ADAM12: variants seen among roughly 807,000 people sequenced by gnomAD.
ADAM12 encodes the protein ADAM metallopeptidase domain 12, also known as disintegrin and metalloproteinase domain-containing protein 12.
ADAM12 carries 70 observed loss-of-function variants against 106.4 expected under a neutral mutation model. The ratio of observed to expected loss-of-function variants is 0.66; its 90% CI spans 0.54 to 0.80. ADAM12 has a LOEUF of 0.80. Ranked by LOEUF, ADAM12 falls within the 30% of genes least tolerant of loss-of-function variation. The pLI is 0.00. For missense variants in ADAM12, 1,010 were observed against 1,171.9 expected (o/e 0.86, Z 2.02); for synonymous variants, 420 against 433.5 (o/e 0.97, Z 0.39).
At chr10:126,082,953 C>A (rs1955258008) in intron 11 of ADAM12, among the ~76,000 whole-genome samples, 1 of 152,314 alleles carries the variant, frequency 6.6e-6, no homozygotes, top group African/African-American at 2.4e-5. Context: ...TTATGCCCAA[C>A]AATAAAAACT....
chr10:126,117,732 A>G (rs1956009752), intron 6 of ADAM12, among the ~76,000 whole-genome samples: 1 of 110,970 alleles, frequency 9.0e-6, no homozygotes, highest in South Asian at 3.3e-4. Context: ...AGATTCCATG[A>G]ATCTTGAGCT....
intron 19 of ADAM12, among the ~76,000 whole-genome samples, chr10:126,038,838 C>CAAGAA (rs1191480524): frequency 6.6e-6 from 1 of 151,052 alleles, no homozygotes; most frequent in Non-Finnish European, 1.5e-5. Context: ...AAATTTAAAA[C>CAAGAA]AAGAAACCCC....
intron 5 of ADAM12, among the ~76,000 whole-genome samples, chr10:126,128,052 G>A (rs904711436): frequency 1.3e-5 from 2 of 152,118 alleles, no homozygotes; most frequent in East Asian, 1.9e-4. Context: ...AAAATTGAAC[G>A]GGGGTCAGCC....
intron 3 of ADAM12, among the ~76,000 whole-genome samples, chr10:126,252,184 A>G (rs1467293557): frequency 1.4e-5 from 2 of 146,394 alleles, no homozygotes; most frequent in African/African-American, 5.0e-5. Context: ...GATGGACTCA[A>G]TGGATGGGAT....
intron 5 of ADAM12, among the ~76,000 whole-genome samples, chr10:126,119,907 A>T (rs994038524): frequency 6.6e-6 from 1 of 152,216 alleles, no homozygotes; most frequent in African/African-American, 2.4e-5. Flanking sequence ...GCTTTAATTT[A>T]AAAGGTGCTT....
At chr10:126,364,429 T>C (rs1855844202) in intron 1 of ADAM12, among the ~76,000 whole-genome samples, 1 of 152,164 alleles carries the variant, frequency 6.6e-6, no homozygotes, top group Non-Finnish European at 1.5e-5. Context: ...GAAAGTCAAC[T>C]GAATATCTAC....
At chr10:126,307,366 T>C (rs1257380067) in intron 2 of ADAM12, among the ~76,000 whole-genome samples, 2 of 152,158 alleles carry the variant, frequency 1.3e-5, no homozygotes, top group Non-Finnish European at 2.9e-5. Flanking sequence ...CTGCCTGCCT[T>C]TTTTTGAGAT....
In ADAM12 at chr10:126,135,734, CTT is replaced by C; in HGVS notation, c.340-76_340-75del. On this transcript the variant is annotated intron_variant, in intron 4 of 22. Coordinates refer to ENST00000448723, the MANE Select transcript of ADAM12 (RefSeq NM_001288973.2). Reference sequence around the variant, plus strand: ...CCCACTTATAATAAATCAACTGCCTCTTGTTTTTAACTATAGAATTTTCCATT... The same window carrying C: ...CCCACTTATAATAAATCAACTGCCTCGTTTTTAACTATAGAATTTTCCATT... The C allele has an allele frequency of 4.6e-6, 6 of 1,292,476 alleles. No homozygotes were observed. In the South Asian group the frequency reaches 7.4e-5, roughly 16 times the overall value. The allele number at this position is 1,292,476 out of a possible 1,614,324, so 80.1% of individuals were successfully genotyped here.
chr10:126,231,655 C>T (rs1375048628), intron 3 of ADAM12, among the ~76,000 whole-genome samples: 1 of 152,152 alleles, frequency 6.6e-6, no homozygotes, highest in Non-Finnish European at 1.5e-5. Flanking sequence ...CAGTTCTTTT[C>T]CTGATCTTAT....
intron 3 of ADAM12, among the ~76,000 whole-genome samples, chr10:126,169,369 T>C (rs1171113668): frequency 1.3e-5 from 2 of 152,246 alleles, no homozygotes; most frequent in East Asian, 3.8e-4. Flanking sequence ...ATTTATTTGC[T>C]CTGTCATTTG....
chr10:126,357,232 C>T lies in ADAM12; in HGVS notation c.89-26723G>A, dbSNP rs113016200. ...CAAAAGATAAAAAATACTTTATATA[C>T]AAAGAAGTCTCAATATGACTATCAG... On this transcript the variant is annotated intron_variant, in intron 1 of 22. Transcript: ENST00000448723. Among the ~76,000 whole-genome samples, 2 of 151,902 alleles carry T rather than the reference C, an allele frequency of 1.3e-5. 1 individual carries two copies. Among genetic ancestry groups the T allele is most frequent in the African/African-American group, 4.8e-5 (2 of 41,430 alleles).
At chr10:126,166,098 G>A (rs1173792624) in intron 3 of ADAM12, among the ~76,000 whole-genome samples, 1 of 152,170 alleles carries the variant, frequency 6.6e-6, no homozygotes, top group African/African-American at 2.4e-5. Flanking sequence ...GGACAACAAA[G>A]TTTCCTGCAA....
At chr10:126,094,476 A>G (rs1343503233) in intron 10 of ADAM12, among the ~76,000 whole-genome samples, 2 of 152,144 alleles carry the variant, frequency 1.3e-5, no homozygotes, top group Non-Finnish European at 2.9e-5. Flanking sequence ...GCAAAAAGTC[A>G]TCCTGCATCA....
In ADAM12 at chr10:126,049,226, T is replaced by C. The variant is rs778660331; in HGVS notation, c.1917+27A>G. On this transcript the variant is annotated intron_variant, in intron 16 of 22. Coordinates refer to ENST00000448723, the MANE Select transcript of ADAM12 (RefSeq NM_001288973.2). This position sits in a 1 kb window ranked among gnomAD's most constrained non-coding sequence, Gnocchi z 4.4. The stretch of plus-strand genomic sequence containing the variant: ...GGGCCCTGTTCCAGACTTACATTTA[T>C]GATCCAAGCAAACATTTGGGTCTTA... The C allele has an allele frequency of 3.1e-6, 5 of 1,612,734 alleles. No homozygotes were observed. In the South Asian group the frequency reaches 5.5e-5, roughly 18 times the overall value.
chr10:126,037,104 T>A (rs1340487904), intron 20 of ADAM12, among the ~76,000 whole-genome samples: 1 of 152,162 alleles, frequency 6.6e-6, no homozygotes, highest in Non-Finnish European at 1.5e-5. Context: ...ATAAGTGGGA[T>A]CACAGAGTAT....
intron 5 of ADAM12, among the ~76,000 whole-genome samples, chr10:126,122,916 G>A (rs1956140689): frequency 6.6e-6 from 1 of 152,140 alleles, no homozygotes; most frequent in South Asian, 2.1e-4. Flanking sequence ...TGTAAAACAT[G>A]TCACCACATT....
In ADAM12 at chr10:126,330,730, T is replaced by C. The variant is rs114104428; in HGVS notation, c.89-221A>G. Among the ~76,000 whole-genome samples the C allele has an allele frequency of 2.2e-3, 335 of 152,342 alleles. 3 individuals carry two copies. The highest frequency in any genetic ancestry group is 7.7e-3 in the African/African-American group (322 of 41,576). On this transcript the variant is annotated intron_variant, in intron 1 of 22. Transcript: ENST00000448723. ...TTAAAGAAAACAAAAGTTAATTAAT[T>C]TGTTCCTTCAAGACCTGTAACATGT...
chr10:126,355,646 C>T (rs1016631806), intron 1 of ADAM12, among the ~76,000 whole-genome samples: 3 of 152,172 alleles, frequency 2.0e-5, no homozygotes, highest in Non-Finnish European at 2.9e-5. Context: ...CTGCAGTGGG[C>T]AGGGAGAACC....
At chr10:126,242,692 T>C (rs1431799995) in intron 3 of ADAM12, among the ~76,000 whole-genome samples, 2 of 152,142 alleles carry the variant, frequency 1.3e-5, no homozygotes, top group Non-Finnish European at 2.9e-5. Context: ...AAGTGCTCTC[T>C]CTGAGTTTCT....
Sources: allele counts gnomAD v4.1 joint callset (sites outside exome capture counted in the v4.1 genomes callset), GRCh38; gene constraint gnomAD v4.1.1; non-coding constraint Gnocchi (gnomAD v3.1); transcripts MANE v1.5; gene names NCBI Gene and HGNC (gene_info 2026-07-23, HGNC 2026-07-21).